The following HPSE2 variants were observed in gnomAD, a reference collection of about 807,000 sequenced individuals.
The protein encoded by HPSE2 is heparanase 2 (inactive), also known as inactive heparanase-2.
A neutral mutation model predicts 60.5 loss-of-function variants in HPSE2; 38 were observed. That is an observed-to-expected ratio of 0.63 (90% confidence interval 0.48 to 0.82). HPSE2 has a LOEUF of 0.82. HPSE2 is among the 40% of genes least tolerant of loss of function. HPSE2 has a pLI of 0.00. For synonymous variants in HPSE2, 295 were observed against 293.2 expected, an observed-to-expected ratio of 1.01 and a Z score of -0.06; for missense variants, 713 against 740.4, an observed-to-expected ratio of 0.96 and a Z score of 0.43.
chr10:98,971,242 T>A (rs972552856), intron 3 of HPSE2, among the ~76,000 whole-genome samples: 2 of 152,210 alleles, frequency 1.3e-5, no homozygotes, highest in Non-Finnish European at 2.9e-5. Context: ...CCAAACAACT[T>A]AGAATTTGTA....
At chr10:98,890,968 T>C (rs574733280) in intron 3 of HPSE2, among the ~76,000 whole-genome samples, 4 of 152,354 alleles carry the variant, frequency 2.6e-5, no homozygotes, top group Admixed American at 1.3e-4. Context: ...AATGCACTTG[T>C]ATACATGGAG....
chr10:99,261,376 G>A, the HPSE2 span, among the ~76,000 whole-genome samples: 45 of 152,126 alleles, frequency 3.0e-4, no homozygotes, highest in East Asian at 6.0e-3. Context: ...TTCGTTCCTC[G>A]AATAGCCCTC....
intron 3 of HPSE2, among the ~76,000 whole-genome samples, chr10:99,029,735 C>CT (rs780668870): frequency 1.3e-5 from 2 of 152,200 alleles, no homozygotes; most frequent in Non-Finnish European, 2.9e-5. Context: ...TGAAGGCGGA[C>CT]TAGGAGTGTG....
At chr10:98,969,620 C>G (rs1170655338) in intron 3 of HPSE2, among the ~76,000 whole-genome samples, 1 of 152,106 alleles carries the variant, frequency 6.6e-6, no homozygotes, top group Non-Finnish European at 1.5e-5. Flanking sequence ...TTCAAAGTAC[C>G]CTTGACTGAA....
At chr10:99,115,160 T>G (rs1053498295) in intron 3 of HPSE2, among the ~76,000 whole-genome samples, 3 of 148,170 alleles carry the variant, frequency 2.0e-5, no homozygotes, top group African/African-American at 4.9e-5. Context: ...AATGTGTTTT[T>G]TTTTTTTTTT....
chr10:98,601,655 C>A (rs1945429862), intron 9 of HPSE2, among the ~76,000 whole-genome samples: 1 of 152,232 alleles, frequency 6.6e-6, no homozygotes, highest in Non-Finnish European at 1.5e-5. Context: ...ATTGCCCACC[C>A]CTGCGGGGAG....
At chr10:98,570,562 C>G (rs1169151948) in intron 9 of HPSE2, among the ~76,000 whole-genome samples, 2 of 150,946 alleles carry the variant, frequency 1.3e-5, no homozygotes, top group Admixed American at 6.6e-5. Context: ...TTTTTTTGAC[C>G]TGGGCATTAG....
chr10:98,515,253 C>T (rs1942564464), intron 9 of HPSE2, among the ~76,000 whole-genome samples: 3 of 152,146 alleles, frequency 2.0e-5, no homozygotes, highest in African/African-American at 7.2e-5. Flanking sequence ...CTGTGTTGCC[C>T]TGGATCCTAC....
rs1027926448 is a variant in HPSE2 at position 99,132,627 on chromosome 10, G to A, written c.610+11611C>T. ...GGAGGGTGGGGTGTCGCCTCACCCA[G>A]GAAGCACAAGGGGTCAGAGAATTTT... On this transcript the variant is annotated intron_variant, in intron 3 of 11. Coordinates refer to ENST00000370552, the MANE Select transcript of HPSE2 (RefSeq NM_021828.5). 8.5e-5 allele frequency among the ~76,000 whole-genome samples: 13 copies of A among 152,200 alleles called. 1 individual carries two copies. The South Asian group carries it at 2.7e-3, about 32-fold the overall frequency.
chr10:98,554,802 G>A (rs1943959208), intron 9 of HPSE2, among the ~76,000 whole-genome samples: 1 of 152,128 alleles, frequency 6.6e-6, no homozygotes, highest in Admixed American at 6.5e-5. Context: ...GCCTTGGGTA[G>A]GTCATGTTTC....
At chr10:99,080,765 T>C (rs991899433) in intron 3 of HPSE2, among the ~76,000 whole-genome samples, 16 of 152,204 alleles carry the variant, frequency 1.1e-4, no homozygotes, top group Non-Finnish European at 1.5e-4. Context: ...ATCAGCTCTA[T>C]CAGTTTCCAC....
rs546150754 is a variant in HPSE2, at chr10:98,788,569, T to G, written c.611-44513A>C. On this transcript the variant is annotated intron_variant, in intron 3 of 11. Transcript: ENST00000370552. ...CTCGTTGCCGCCTTGCAGTTTGATCTCAGACTGCTGTGCTAGCAATTAGCG... is the reference window on the plus strand; with the variant it reads ...CTCGTTGCCGCCTTGCAGTTTGATCGCAGACTGCTGTGCTAGCAATTAGCG... 1.1e-3 allele frequency among the ~76,000 whole-genome samples: 171 copies of G among 152,060 alleles called. 3 individuals carry two copies. Among genetic ancestry groups the G allele is most frequent in the African/African-American group, 3.8e-3 (159 of 41,490 alleles).
At chr10:99,104,439 T>C (rs571332951) in intron 3 of HPSE2, among the ~76,000 whole-genome samples, 43 of 152,214 alleles carry the variant, frequency 2.8e-4, no homozygotes, top group South Asian at 1.0e-3. Flanking sequence ...TGTGGAGAAA[T>C]AGGAACACTT....
chr10:98,843,512 T>C (rs1001586376), intron 3 of HPSE2, among the ~76,000 whole-genome samples: 1 of 152,194 alleles, frequency 6.6e-6, no homozygotes, highest in Non-Finnish European at 1.5e-5. Context: ...GCACTTATGT[T>C]TGAAAACAGA....
intron 3 of HPSE2, among the ~76,000 whole-genome samples, chr10:99,010,243 T>C (rs1956981954): frequency 6.6e-6 from 1 of 152,262 alleles, no homozygotes; most frequent in Admixed American, 6.5e-5. Context: ...TCTATTTTTT[T>C]ATCTTTGAAA....
chr10:99,170,763 CAA>C (rs1047408767), intron 2 of HPSE2, among the ~76,000 whole-genome samples: 8 of 152,200 alleles, frequency 5.3e-5, no homozygotes, highest in African/African-American at 1.9e-4. Flanking sequence ...TGATTCTTCA[CAA>C]AAGTGCTAAA....
chr10:98,865,798 G>A (rs1952573208), intron 3 of HPSE2, among the ~76,000 whole-genome samples: 1 of 151,948 alleles, frequency 6.6e-6, no homozygotes, highest in African/African-American at 2.4e-5. Context: ...TAATTCATAG[G>A]GCATTAGACG....
chr10:99,286,168 C>T, the HPSE2 span, among the ~76,000 whole-genome samples: 1 of 151,990 alleles, frequency 6.6e-6, no homozygotes, highest in South Asian at 2.1e-4. Context: ...CTTGGCAGTT[C>T]CTCAAAAAAT....
intron 3 of HPSE2, among the ~76,000 whole-genome samples, chr10:99,056,156 T>C (rs1212543906): frequency 6.6e-6 from 1 of 151,770 alleles, no homozygotes; most frequent in Non-Finnish European, 1.5e-5. Context: ...AAAAGAACAA[T>C]ATGGAACTAT....
Sources: allele counts gnomAD v4.1 joint callset (sites outside exome capture counted in the v4.1 genomes callset), GRCh38; gene constraint gnomAD v4.1.1; transcripts MANE v1.5; gene names NCBI Gene and HGNC (gene_info 2026-07-23, HGNC 2026-07-21).